Variants in ITPR2 observed in about 807,000 individuals in gnomAD.
ITPR2 encodes the protein inositol 1,4,5-trisphosphate-gated calcium channel ITPR2.
In ITPR2, 207 loss-of-function variants were observed where a neutral mutation model predicts 317.1. The observed-to-expected ratio is 0.65, with a 90% confidence interval of 0.58 to 0.73. ITPR2 has a LOEUF of 0.73. ITPR2 is among the 30% of genes least tolerant of loss of function. The pLI is 0.00. For missense variants in ITPR2, 2,613 were observed against 3,284.0 expected (o/e 0.80, Z 4.99); for synonymous variants, 1,156 against 1,149.1 (o/e 1.01, Z -0.12).
chr12:26,736,182 C>T (rs1349101590), intron 2 of ITPR2, among the ~76,000 whole-genome samples: 1 of 152,076 alleles, frequency 6.6e-6, no homozygotes, highest in Non-Finnish European at 1.5e-5. Flanking sequence ...ATACAAACAC[C>T]TGAGAAGGGA....
chr12:26,442,972 C>G (rs1941520277), intron 46 of ITPR2, among the ~76,000 whole-genome samples: 1 of 152,102 alleles, frequency 6.6e-6, no homozygotes, highest in African/African-American at 2.4e-5. Flanking sequence ...GGTCTCAGAA[C>G]ACATAATGGT....
At position 26,670,300 on chromosome 12, in the gene ITPR2, C is replaced by A. The variant is rs911040221; in HGVS notation, c.1410-4249G>T. 2.2e-4 allele frequency among the ~76,000 whole-genome samples: 34 copies of A among 152,336 alleles called. No individual in the cohort carries two copies. In the Middle Eastern group the frequency reaches 0.01, roughly 46 times the overall value. On this transcript the variant is annotated intron_variant, in intron 13 of 56. Transcript: ENST00000381340. ...AGCAGCCTAACTGGGAGGCACCCCC[C>A]AGTAGGGGCAGACTGACACTTCACA...
chr12:26,647,897 C>T (rs769770971), intron 21 of ITPR2, among the ~76,000 whole-genome samples: 6 of 152,152 alleles, frequency 3.9e-5, no homozygotes, highest in Non-Finnish European at 8.8e-5. Context: ...ATTTTCTGAA[C>T]GGACCACCTT....
rs187187161 is a variant in ITPR2 at position 26,656,338 on chromosome 12, G to T, written c.2403C>A (p.Ala801=). ...PQESVVPVRY[A]RLWTEIPTKI... is the part of the protein sequence containing the mutation. ...TTGTGGGGATTTCTGTCCAGAGCCT[G>T]GCATAGCGAACAGGCACCACGGACT... is the stretch of plus-strand genomic sequence containing the variant. The change falls in exon 19 of 57, where the codon GCC becomes GCA. Residue 801 remains alanine, a synonymous_variant. Coordinates refer to ENST00000381340, the MANE Select transcript of ITPR2 (RefSeq NM_002223.4). 6.2e-7 allele frequency: 1 copy of T among 1,614,062 alleles called. No homozygotes were observed. Among genetic ancestry groups the T allele is most frequent in the Admixed American group, 1.7e-5 (1 of 60,010 alleles).
intron 48 of ITPR2, among the ~76,000 whole-genome samples, chr12:26,430,235 A>C (rs901187359): frequency 1.2e-4 from 18 of 152,354 alleles, no homozygotes; most frequent in African/African-American, 3.1e-4. Flanking sequence ...AATGCTAAAA[A>C]AGAACTGAAG....
chr12:26,394,465 T>C (rs543745142), intron 54 of ITPR2, among the ~76,000 whole-genome samples: 47 of 152,156 alleles, frequency 3.1e-4, no homozygotes, highest in African/African-American at 1.1e-3. Flanking sequence ...AGCGTAGGAA[T>C]TGGGGCATTC....
At chr12:26,746,215 T>C (rs368586080) in intron 2 of ITPR2, among the ~76,000 whole-genome samples, 74 of 79,192 alleles carry the variant, frequency 9.3e-4, no homozygotes, top group African/African-American at 2.3e-3. Context: ...CACACACACA[T>C]ACACACACAC....
intron 2 of ITPR2, among the ~76,000 whole-genome samples, chr12:26,787,922 CTTT>C (rs71069268): frequency 5.0e-5 from 6 of 120,196 alleles, no homozygotes; most frequent in African/African-American, 6.4e-5. Flanking sequence ...GGTGACTATC[CTTT>C]TTTTTTTTTT....
intron 1 of ITPR2, among the ~76,000 whole-genome samples, chr12:26,796,454 T>C (rs1051834014): frequency 1.3e-5 from 2 of 152,122 alleles, no homozygotes; most frequent in African/African-American, 4.8e-5. Context: ...AAGAAAAAAA[T>C]TGAAATGTTA....
At position 26,653,993 on chromosome 12, in the gene ITPR2, C is replaced by T; in HGVS notation, c.2723G>A (p.Ser908Asn). 1 of 1,610,316 alleles carries T rather than the reference C, an allele frequency of 6.2e-7. No homozygotes were observed. The highest frequency in any genetic ancestry group is 8.5e-7 in the Non-Finnish European group (1 of 1,177,604). ...APMSSYFERLSKFQDGGNNVM... is the reference protein window; with the variant it reads ...APMSSYFERLNKFQDGGNNVM... ...ATTCTTACCTCCATCTTGAAATTTG[C>T]TTAATCTTTCAAAGTATGATGACAT... is the stretch of plus-strand genomic sequence containing the variant. The change falls in exon 21 of 57, where the codon AGC (serine) becomes AAC (asparagine). Residue 908 changes from serine (S) to asparagine (N), a missense_variant. Ser to Asn is a conservative substitution (Grantham distance 46). Transcript: ENST00000381340.
intron 26 of ITPR2, among the ~76,000 whole-genome samples, chr12:26,612,643 T>C (rs779254332): frequency 6.6e-5 from 10 of 152,202 alleles, no homozygotes; most frequent in Non-Finnish European, 1.0e-4. Context: ...TTTGCATACA[T>C]TTCTACTGCT....
At chr12:26,529,547 T>C (rs1296285147) in intron 37 of ITPR2, among the ~76,000 whole-genome samples, 1 of 152,206 alleles carries the variant, frequency 6.6e-6, no homozygotes, top group Non-Finnish European at 1.5e-5. Context: ...CTTGCTCTCC[T>C]TTTATCCTGA....
rs570844266 is a variant in ITPR2 at position 26,368,623 on chromosome 12, AT to A, written c.7857+18810del. Reference sequence around the variant, plus strand: ...ATACCTGTGCTTTCAGCTGCCATACATTTTTACTCTAGCTATCACTTGCATT... The same window carrying A: ...ATACCTGTGCTTTCAGCTGCCATACATTTTACTCTAGCTATCACTTGCATT... On this transcript the variant is annotated intron_variant, in intron 55 of 56. Coordinates refer to ENST00000381340, the MANE Select transcript of ITPR2 (RefSeq NM_002223.4). 3.7e-4 allele frequency among the ~76,000 whole-genome samples: 56 copies of A among 152,286 alleles called. No homozygotes were observed. In the Middle Eastern group the frequency reaches 0.01, roughly 28 times the overall value.
At chr12:26,737,645 C>T (rs1458177043) in intron 2 of ITPR2, among the ~76,000 whole-genome samples, 3 of 152,132 alleles carry the variant, frequency 2.0e-5, no homozygotes, top group Non-Finnish European at 4.4e-5. Flanking sequence ...GCTCAGACAC[C>T]TCACCTGCTT....
chr12:26,653,020 G>A (rs1250911459), intron 21 of ITPR2, among the ~76,000 whole-genome samples: 2 of 152,304 alleles, frequency 1.3e-5, no homozygotes, highest in East Asian at 3.9e-4. Context: ...CAAGGAAACT[G>A]TGAGAAGGAT....
At chr12:26,523,535 T>A (rs11048563) in intron 37 of ITPR2, among the ~76,000 whole-genome samples, 54,686 of 149,682 alleles carry the variant, frequency 0.37, 12,178 homozygotes, top group Non-Finnish European at 0.5. Context: ...TTTTTTTTTT[T>A]TAAAAAGCCT....
chr12:26,589,844 A>G (rs1945649992), intron 32 of ITPR2, among the ~76,000 whole-genome samples: 2 of 37,314 alleles, frequency 5.4e-5, no homozygotes, highest in African/African-American at 1.7e-4. Flanking sequence ...ATATATATAT[A>G]TATATATATA....
At chr12:26,654,179 A>T in intron 20 of ITPR2, 53 bp from the exon 21 acceptor site, 1 of 1,422,294 alleles carries the variant, frequency 7.0e-7, no homozygotes, top group Non-Finnish European at 9.5e-7. Flanking sequence ...TGGAAAAAAA[A>T]ATTGGGTACT....
intron 2 of ITPR2, among the ~76,000 whole-genome samples, chr12:26,746,571 T>C (rs556057070): frequency 6.6e-6 from 1 of 152,344 alleles, no homozygotes; most frequent in Admixed American, 6.5e-5. Flanking sequence ...ATTTCATCTG[T>C]AGATTCATAC....
Sources: gnomAD v4.1 joint callset for allele counts (sites outside exome capture counted in the v4.1 genomes callset) on GRCh38, gnomAD v4.1.1 for gene constraint, MANE v1.5 for transcripts, NCBI Gene and HGNC (gene_info 2026-07-23, HGNC 2026-07-21) for gene names.